Variants in MSRA observed in about 807,000 individuals in gnomAD.
The protein encoded by MSRA is mitochondrial peptide methionine sulfoxide reductase.
Under a neutral mutation model 31.3 loss-of-function variants are expected in MSRA, and 54 were observed. The observed-to-expected ratio is 1.73, with a 90% CI of 1.39 to 2.17. The LOEUF (loss-of-function observed/expected upper bound fraction) is 2.17, where lower values mean the gene tolerates loss of function less well. MSRA is among the 30% of genes most tolerant of loss of function. The pLI, the probability that MSRA is intolerant of heterozygous loss-of-function variation, is 0.00. For synonymous variants in MSRA, 169 were observed against 116.5 expected (o/e 1.45, Z -2.90); for missense variants, 507 against 300.9 (o/e 1.69, Z -5.07).
At chr8:10,055,280 C>T (rs1050951046) in intron 1 of MSRA, among the ~76,000 whole-genome samples, 2 of 152,224 alleles carry the variant, frequency 1.3e-5, no homozygotes, top group African/African-American at 4.8e-5. Context: ...ACTTGGACAA[C>T]TTTCTAGTCG....
intron 4 of MSRA, among the ~76,000 whole-genome samples, chr8:10,310,584 G>A (rs4307347): frequency 0.24 from 35,773 of 152,072 alleles, 5,228 homozygotes; most frequent in East Asian, 0.65. Flanking sequence ...TGAGCTGTGC[G>A]CAATGCTAAG....
chr8:10,090,059 G>T (rs1480553222), intron 1 of MSRA, among the ~76,000 whole-genome samples: 1 of 152,180 alleles, frequency 6.6e-6, no homozygotes, highest in Non-Finnish European at 1.5e-5. Context: ...TCAGATCTTG[G>T]GTTACTATTG....
intron 4 of MSRA, among the ~76,000 whole-genome samples, chr8:10,319,037 C>T (rs941657374): frequency 2.0e-5 from 3 of 152,226 alleles, no homozygotes; most frequent in African/African-American, 4.8e-5. Flanking sequence ...CCCTTCCCCA[C>T]TGATCACGTG....
At chr8:10,351,147 A>T (rs1367999711) in intron 5 of MSRA, among the ~76,000 whole-genome samples, 2 of 148,688 alleles carry the variant, frequency 1.3e-5, no homozygotes, top group African/African-American at 5.0e-5. Context: ...CGGTGGTGAC[A>T]CCTTGTCTCC....
At chr8:10,279,221 G>A (rs1018443190) in intron 3 of MSRA, among the ~76,000 whole-genome samples, 3 of 152,148 alleles carry the variant, frequency 2.0e-5, no homozygotes, top group African/African-American at 4.8e-5. Flanking sequence ...TGATTAAAGC[G>A]TGCATTGCGT....
At chr8:10,167,664 C>A (rs542268699) in intron 1 of MSRA, among the ~76,000 whole-genome samples, 1 of 152,244 alleles carries the variant, frequency 6.6e-6, no homozygotes, top group East Asian at 1.9e-4. Flanking sequence ...CTTTTGCTCC[C>A]CTACATCCTA....
At chr8:10,197,045 A>G (rs529909430) in intron 1 of MSRA, among the ~76,000 whole-genome samples, 86 of 152,338 alleles carry the variant, frequency 5.6e-4, no homozygotes, top group South Asian at 1.2e-3. Context: ...CAGTACACCT[A>G]CTTTCAACGT....
chr8:10,337,543 A>G (rs796946329), intron 5 of MSRA: 10 of 601,042 alleles, frequency 1.7e-5, no homozygotes, highest in Middle Eastern at 3.1e-4. Flanking sequence ...AGAAAGCAGC[A>G]TTAAGTCTGA....
intron 1 of MSRA, among the ~76,000 whole-genome samples, chr8:10,132,160 A>T (rs1190317250): frequency 6.6e-6 from 1 of 152,170 alleles, no homozygotes; most frequent in African/African-American, 2.4e-5. Flanking sequence ...CTTTTCAATG[A>T]GGTGATATTG....
chr8:10,305,941 A>G (rs938105845), intron 4 of MSRA, among the ~76,000 whole-genome samples: 14 of 152,202 alleles, frequency 9.2e-5, no homozygotes, highest in South Asian at 2.1e-4. Context: ...TAATTTACCA[A>G]TTACCACAGA....
At chr8:10,104,765 C>A (rs1200731533) in intron 1 of MSRA, among the ~76,000 whole-genome samples, 1 of 152,146 alleles carries the variant, frequency 6.6e-6, no homozygotes, top group East Asian at 1.9e-4. Context: ...ATGTCCAACC[C>A]CCCTTCACAT....
intron 2 of MSRA, among the ~76,000 whole-genome samples, chr8:10,220,135 T>C (rs1198036521): frequency 6.6e-6 from 1 of 152,218 alleles, no homozygotes; most frequent in Non-Finnish European, 1.5e-5. Flanking sequence ...ACGATCATTG[T>C]ATTATTCTAT....
rs554467638 is a variant in MSRA at position 10,425,638 on chromosome 8, T to C, written c.544-2510T>C. ...TCTGCACAGGTGTGGCCATAGAACA[T>C]GGACGCCTCCAGTACGCAGGCACAG... is the stretch of plus-strand genomic sequence containing the variant. On this transcript the variant is annotated intron_variant, in intron 5 of 5. Transcript: ENST00000317173. Among the ~76,000 whole-genome samples the C allele has an allele frequency of 2.6e-5, 4 of 152,296 alleles. No homozygotes were observed. In the South Asian group the frequency reaches 6.2e-4, roughly 24 times the overall value.
chr8:10,359,232 C>T (rs1804697594), intron 5 of MSRA, among the ~76,000 whole-genome samples: 1 of 152,122 alleles, frequency 6.6e-6, no homozygotes, highest in Non-Finnish European at 1.5e-5. Flanking sequence ...ATTGGATCTT[C>T]TTTGCCCATC....
intron 1 of MSRA, among the ~76,000 whole-genome samples, chr8:10,168,441 C>A (rs1805328206): frequency 6.6e-6 from 1 of 152,132 alleles, no homozygotes; most frequent in Non-Finnish European, 1.5e-5. Flanking sequence ...CCACTCCATG[C>A]AGAATGTGGC....
chr8:10,339,206 G>A (rs1803251435), intron 5 of MSRA, among the ~76,000 whole-genome samples: 2 of 152,150 alleles, frequency 1.3e-5, no homozygotes, highest in African/African-American at 4.8e-5. Context: ...GGACACCCAC[G>A]AAGCGATGAT....
chr8:10,292,293 C>G (rs545446249), intron 3 of MSRA, among the ~76,000 whole-genome samples: 20 of 152,184 alleles, frequency 1.3e-4, no homozygotes, highest in Admixed American at 1.3e-3. Flanking sequence ...AGATGCAGCA[C>G]GAGGGCTCCT....
At chr8:10,301,810 G>A (rs536523317) in intron 4 of MSRA, among the ~76,000 whole-genome samples, 172 bp downstream of exon 4, 3 of 152,266 alleles carry the variant, frequency 2.0e-5, no homozygotes, top group Non-Finnish European at 4.4e-5. Context: ...AAGGGTGAGA[G>A]AATAAAGGCA....
chr8:10,375,639 G>A (rs939240011), intron 5 of MSRA, among the ~76,000 whole-genome samples: 6 of 152,192 alleles, frequency 3.9e-5, no homozygotes, highest in Admixed American at 6.5e-5. Flanking sequence ...GGCTTGTCCA[G>A]AATGGCAGTT....
Sources: gnomAD v4.1 joint callset for allele counts (sites outside exome capture counted in the v4.1 genomes callset) on GRCh38, gnomAD v4.1.1 for gene constraint, MANE v1.5 for transcripts, NCBI Gene and HGNC (gene_info 2026-07-23, HGNC 2026-07-21) for gene names.